FGF1: variants seen among roughly 807,000 people sequenced by gnomAD.
FGF1 encodes beta-endothelial cell growth factor.
In FGF1, 9 loss-of-function variants were observed where a neutral mutation model predicts 13.4. The ratio of observed to expected loss-of-function variants is 0.67; its 90% CI spans 0.40 to 1.17. The LOEUF (loss-of-function observed/expected upper bound fraction) is 1.17, where lower values mean the gene tolerates loss of function less well. Among genes scored for constraint, FGF1 ranks in the 50% most tolerant of loss-of-function variants. The pLI is 0.01. For missense variants in FGF1, 156 were observed against 192.7 expected (o/e 0.81, Z 1.13); for synonymous variants, 93 against 79.0 (o/e 1.18, Z -0.94).
intron 1 of FGF1, among the ~76,000 whole-genome samples, chr5:142,685,338 C>G (rs537736055): frequency 1.3e-5 from 2 of 152,320 alleles, no homozygotes; most frequent in South Asian, 2.1e-4. Context: ...CCTGAGCTGA[C>G]ACACCCAGAT....
chr5:142,604,180 G>C (rs1757157575), intron 2 of FGF1, among the ~76,000 whole-genome samples: 1 of 152,150 alleles, frequency 6.6e-6, no homozygotes, highest in Admixed American at 6.5e-5. Context: ...ATGGATTGTG[G>C]TGTTGGTTGC....
chr5:142,638,718 A>G (rs1764686970), intron 1 of FGF1, among the ~76,000 whole-genome samples: 1 of 152,106 alleles, frequency 6.6e-6, no homozygotes, highest in Non-Finnish European at 1.5e-5. Flanking sequence ...TCTGGGCAGC[A>G]AAGAAAACAG....
intron 1 of FGF1, among the ~76,000 whole-genome samples, chr5:142,659,546 T>C (rs1177789347): frequency 6.6e-6 from 1 of 152,126 alleles, no homozygotes; most frequent in African/African-American, 2.4e-5. Flanking sequence ...AGGGGGAACT[T>C]TGAAGCAGAA....
intron 1 of FGF1, among the ~76,000 whole-genome samples, chr5:142,640,087 C>G (rs1005382063): frequency 6.6e-6 from 1 of 151,874 alleles, no homozygotes; most frequent in Non-Finnish European, 1.5e-5. Context: ...TGGAATGAAT[C>G]ATATGTATTT....
intron 1 of FGF1, among the ~76,000 whole-genome samples, chr5:142,678,207 T>C (rs549644626): frequency 3.2e-4 from 48 of 152,100 alleles, no homozygotes; most frequent in African/African-American, 1.0e-3. Flanking sequence ...AAATCACCAC[T>C]CTCCCTTACA....
chr5:142,675,172 A>T (rs1286668397), intron 1 of FGF1, among the ~76,000 whole-genome samples: 1 of 152,058 alleles, frequency 6.6e-6, no homozygotes, highest in Non-Finnish European at 1.5e-5. Context: ...AAACCCTCAG[A>T]CCTCAGTGGG....
At chr5:142,623,499 CCACGTCCAA>C (rs1447877663) in intron 1 of FGF1, among the ~76,000 whole-genome samples, 1 of 152,164 alleles carries the variant, frequency 6.6e-6, no homozygotes, top group African/African-American at 2.4e-5. Flanking sequence ...GCACATACCA[CCACGTCCAA>C]CTAATTTTTG....
At chr5:142,636,642 C>T (rs1764295685) in intron 1 of FGF1, among the ~76,000 whole-genome samples, 2 of 152,232 alleles carry the variant, frequency 1.3e-5, no homozygotes, top group East Asian at 1.9e-4. Context: ...TCCAGGTTGC[C>T]CTGAGAGCCA....
intron 1 of FGF1, among the ~76,000 whole-genome samples, chr5:142,672,338 A>G (rs937564540): frequency 6.6e-6 from 1 of 152,152 alleles, no homozygotes; most frequent in African/African-American, 2.4e-5. Flanking sequence ...CATTAACTGA[A>G]CAATTTAATT....
intron 1 of FGF1, among the ~76,000 whole-genome samples, chr5:142,646,870 T>G (rs1766256293): frequency 6.6e-6 from 1 of 152,218 alleles, no homozygotes; most frequent in Non-Finnish European, 1.5e-5. Context: ...TCATCGTTTC[T>G]TCCCCACTTC....
intron 1 of FGF1, among the ~76,000 whole-genome samples, chr5:142,622,000 C>G (rs1018659035): frequency 6.6e-6 from 1 of 152,232 alleles, no homozygotes; most frequent in Non-Finnish European, 1.5e-5. Context: ...AACATTTCTT[C>G]ATGGCTCTTA....
At chr5:142,604,747 A>T (rs1757280113) in intron 2 of FGF1, among the ~76,000 whole-genome samples, 1 of 152,182 alleles carries the variant, frequency 6.6e-6, no homozygotes, top group Admixed American at 6.5e-5. Context: ...ATGCAATGTT[A>T]TACTTCTAAG....
chr5:142,645,943 T>G (rs1378370230), intron 1 of FGF1, among the ~76,000 whole-genome samples: 2 of 152,162 alleles, frequency 1.3e-5, no homozygotes. Context: ...GAGTCTTGCT[T>G]TGTCGCCTAG....
At chr5:142,691,610 C>T (rs1453579320) in intron 2 of FGF1, among the ~76,000 whole-genome samples, 7 of 152,042 alleles carry the variant, frequency 4.6e-5, no homozygotes, top group Non-Finnish European at 8.8e-5. Context: ...TTCTCAAGCT[C>T]GAGTGTGCAC....
intron 1 of FGF1, among the ~76,000 whole-genome samples, chr5:142,631,664 C>T (rs972281817): frequency 6.6e-6 from 1 of 152,148 alleles, no homozygotes; most frequent in Non-Finnish European, 1.5e-5. Context: ...GTAGCTTTAT[C>T]CTCACCAGGG....
At chr5:142,654,978 C>T (rs1460419880) in intron 1 of FGF1, among the ~76,000 whole-genome samples, 3 of 152,252 alleles carry the variant, frequency 2.0e-5, no homozygotes, top group Non-Finnish European at 4.4e-5. Context: ...AGGGCCGGGC[C>T]TCAGCTCTGG....
chr5:142,636,755 G>T (rs547899852), intron 1 of FGF1, among the ~76,000 whole-genome samples: 26 of 150,778 alleles, frequency 1.7e-4, no homozygotes, highest in South Asian at 4.1e-4. Flanking sequence ...GCAGGTAAAT[G>T]TGCAGAGGTC....
chr5:142,645,269 GCAGA>G (rs1220127281), intron 1 of FGF1, among the ~76,000 whole-genome samples: 3 of 152,204 alleles, frequency 2.0e-5, no homozygotes, highest in African/African-American at 7.2e-5. Context: ...CACAGCCCTG[GCAGA>G]CGGCTCAGTC....
intron 2 of FGF1, among the ~76,000 whole-genome samples, chr5:142,692,684 C>CGCACACACACACACACACGCACACAT (rs1752418660): frequency 1.3e-5 from 2 of 149,426 alleles, no homozygotes; most frequent in African/African-American, 5.0e-5. Context: ...CACGCACACA[C>CGCACACACACACACACACGCACACAT]GCACACACAC....
Sources: allele counts gnomAD v4.1 joint callset (sites outside exome capture counted in the v4.1 genomes callset), GRCh38; gene constraint gnomAD v4.1.1; transcripts MANE v1.5; gene names NCBI Gene and HGNC (gene_info 2026-07-23, HGNC 2026-07-21).